Variants in ARHGAP39 observed in about 807,000 individuals in gnomAD.
ARHGAP39 encodes the protein Rho GTPase activating protein 39, also known as rho GTPase-activating protein 39.
Under a neutral mutation model 106.9 loss-of-function variants are expected in ARHGAP39, and 44 were observed. That is an observed-to-expected ratio of 0.41 (90% CI 0.32 to 0.53). The LOEUF (loss-of-function observed/expected upper bound fraction) is 0.53. Ranked by LOEUF, ARHGAP39 falls within the 20% of genes least tolerant of loss-of-function variation. The pLI, the probability that ARHGAP39 is intolerant of heterozygous loss-of-function variation, is 0.21. For synonymous variants in ARHGAP39, 768 were observed against 693.2 expected (o/e 1.11, Z -1.69); for missense variants, 1,496 against 1,577.3 (o/e 0.95, Z 0.87).
chr8:144,662,125 G>A (rs1056553516), intron 1 of ARHGAP39, among the ~76,000 whole-genome samples: 4 of 145,058 alleles, frequency 2.8e-5, no homozygotes, highest in Admixed American at 1.4e-4. Context: ...AACTTGGACC[G>A]CTCACCTTCC....
rs772935934 is a variant in ARHGAP39 at position 144,580,876 on chromosome 8, G to A, written c.482C>T (p.Ala161Val). The stretch of plus-strand genomic sequence containing the variant: ...GCTGTCCTCCTTCACTGTCCCAAAC[G>A]CCGCGGGCCGCCCGGCCCTCGCTGG... ...ELPARAGRPA[A>V]FGTVKEDSGS... Residue 161 changes from alanine to valine, a missense_variant, in exon 3 of 12, where the codon GCG becomes GTG. Physicochemically the swap from Ala to Val is moderately conservative, Grantham distance 64 (BLOSUM62 0). Around this residue, in one of 4 missense-constraint regions of ARHGAP39, gnomAD observed 905 missense variants for 816.4 expected, o/e 1.11. Transcript: ENST00000377307. 5.7e-6 allele frequency: 9 copies of A among 1,581,954 alleles called. No homozygotes were observed. The Admixed American group carries it at 1.4e-4, about 24-fold the overall frequency.
chr8:144,648,135 A>G (rs1379412686), intron 1 of ARHGAP39, among the ~76,000 whole-genome samples: 1 of 152,066 alleles, frequency 6.6e-6, no homozygotes. Context: ...ATGCTATAAC[A>G]TCCACAAGAT....
Position 144,548,556 on chromosome 8 carries a change from C to T in ARHGAP39, c.597-67G>A. On this transcript the variant is annotated intron_variant, in intron 4 of 11. Transcript: ENST00000377307. This position sits in a 1 kb window ranked among gnomAD's most constrained non-coding sequence, Gnocchi z 7.4. The stretch of plus-strand genomic sequence containing the variant: ...TGCTTCTGGGCACGCCCCACCCCCT[C>T]GGGGGCTGTAGGCAGCGGCTCCCGC... The T allele has an allele frequency of 1.3e-6, 2 of 1,544,534 alleles. No individual in the cohort carries two copies. Among genetic ancestry groups the T allele is most frequent in the Non-Finnish European group, 1.7e-6 (2 of 1,149,194 alleles).
At chr8:144,567,489 A>T (rs1250965009) in intron 3 of ARHGAP39, among the ~76,000 whole-genome samples, 1 of 152,080 alleles carries the variant, frequency 6.6e-6, no homozygotes, top group African/African-American at 2.4e-5. Flanking sequence ...CAGGAAAGGG[A>T]GTCTCCCTTT....
chr8:144,684,304 C>A lies in ARHGAP39; in HGVS notation c.-82+1382G>T, dbSNP rs1259546391. ...CCTCCTATCAAATCGCCTTTCCCTC[C>A]CCCGGCGCGAGAATCGCACCTTGCT... On this transcript the variant is annotated intron_variant, in intron 1 of 11. Coordinates refer to ENST00000377307, the MANE Select transcript of ARHGAP39 (RefSeq NM_025251.3). This position sits in a 1 kb window ranked among gnomAD's most constrained non-coding sequence, Gnocchi z 4.4. 6.6e-6 allele frequency among the ~76,000 whole-genome samples: 1 copy of A among 152,248 alleles called. No individual in the cohort carries two copies. The highest frequency in any genetic ancestry group is 1.5e-5 in the Non-Finnish European group (1 of 68,038).
rs941702269 is a variant in ARHGAP39 at position 144,646,696 on chromosome 8, C to T, written c.-82+38990G>A. 5.3e-5 allele frequency among the ~76,000 whole-genome samples: 8 copies of T among 152,320 alleles called. No individual in the cohort carries two copies. Among genetic ancestry groups the T allele is most frequent in the African/African-American group, 7.2e-5 (3 of 41,582 alleles). ...GAAAGCCTTGATTCTCAGAAAACAACGCCTCTCTGAGCCAAGGGCATGGGA... is the reference window on the plus strand; with the variant it reads ...GAAAGCCTTGATTCTCAGAAAACAATGCCTCTCTGAGCCAAGGGCATGGGA... On this transcript the variant is annotated intron_variant, in intron 1 of 11. Transcript: ENST00000377307. The surrounding 1 kb of genome is among the most constrained non-coding windows in gnomAD (Gnocchi z 5.7).
At chr8:144,609,592 C>T (rs1202736860) in intron 1 of ARHGAP39, among the ~76,000 whole-genome samples, 8 of 151,750 alleles carry the variant, frequency 5.3e-5, no homozygotes, top group African/African-American at 1.9e-4. Flanking sequence ...TTGGTAGAGA[C>T]GGGGTTTCAT....
rs115236584 is a variant in ARHGAP39 at position 144,598,191 on chromosome 8, T to A, written c.80+7344A>T. ...TCCGCATTGCGTGTAAAGGGGAAAT[T>A]CGGAACCCAGCCGTGGGCCTTTCCG... On this transcript the variant is annotated intron_variant, in intron 2 of 11. Transcript: ENST00000377307. Among the ~76,000 whole-genome samples, 545 of 151,976 alleles carry A rather than the reference T, an allele frequency of 3.6e-3. 3 individuals are homozygous for A. Among genetic ancestry groups the A allele is most frequent in the African/African-American group, 0.013 (526 of 41,424 alleles).
In ARHGAP39 at chr8:144,548,251, C is replaced by T; in HGVS notation, c.835G>A (p.Ala279Thr). Residue 279 changes from alanine to threonine, a missense_variant, in exon 5 of 12, where the codon GCC becomes ACC. Physicochemically the swap from Ala to Thr is moderately conservative, Grantham distance 58 (BLOSUM62 0). Around this residue, in one of 4 missense-constraint regions of ARHGAP39, gnomAD observed 905 missense variants for 816.4 expected, o/e 1.11. Coordinates refer to ENST00000377307, the MANE Select transcript of ARHGAP39 (RefSeq NM_025251.3). The surrounding 1 kb of genome is among the most constrained non-coding windows in gnomAD (Gnocchi z 7.4). ...GGGGAGCTGCTCCCTGGGAGCTCGG[C>T]CCTCTTCAGGAAGGGTGACGGCCTC... Reference protein sequence around the residue: ...ERRPSPFLKRAELPGSSSPLL... With the variant: ...ERRPSPFLKRTELPGSSSPLL... The T allele has an allele frequency of 1.2e-6, 2 of 1,608,476 alleles. No homozygotes were observed. The highest frequency in any genetic ancestry group is 1.7e-6 in the Non-Finnish European group (2 of 1,177,592).
chr8:144,589,036 C>T (rs1819289857), intron 2 of ARHGAP39, among the ~76,000 whole-genome samples: 1 of 152,144 alleles, frequency 6.6e-6, no homozygotes, highest in African/African-American at 2.4e-5. Context: ...CAGGTGCAAA[C>T]CCAAGCGTCT....
chr8:144,608,156 CAAAAA>C (rs60966946), intron 1 of ARHGAP39, among the ~76,000 whole-genome samples: 5 of 96,324 alleles, frequency 5.2e-5, no homozygotes, highest in African/African-American at 1.8e-4. Flanking sequence ...GACTCTGTCT[CAAAAA>C]AAAAAAAAAA....
At chr8:144,655,901 G>C (rs1821680920) in intron 1 of ARHGAP39, among the ~76,000 whole-genome samples, 1 of 152,082 alleles carries the variant, frequency 6.6e-6, no homozygotes, top group African/African-American at 2.4e-5. Flanking sequence ...CTACAAACCA[G>C]AAAGAGAAAA....
At chr8:144,669,175 T>C (rs1444295447) in intron 1 of ARHGAP39, among the ~76,000 whole-genome samples, 2 of 146,606 alleles carry the variant, frequency 1.4e-5, no homozygotes, top group African/African-American at 5.1e-5. Context: ...ATCAAACACC[T>C]AAATGTATAT....
chr8:144,693,358 C>CGGCCGCCT, the ARHGAP39 span, among the ~76,000 whole-genome samples: 2 of 150,224 alleles, frequency 1.3e-5, no homozygotes, highest in African/African-American at 4.9e-5. Flanking sequence ...CCACCGCGCC[C>CGGCCGCCT]GGCAGTAAAA....
At chr8:144,638,603 C>G (rs550504002) in intron 1 of ARHGAP39, among the ~76,000 whole-genome samples, 33 of 152,240 alleles carry the variant, frequency 2.2e-4, no homozygotes, top group Non-Finnish European at 4.8e-4. Context: ...CAAAGTTTCT[C>G]TCAACTGTAC....
chr8:144,537,507 G>T (rs1248280735), intron 7 of ARHGAP39, among the ~76,000 whole-genome samples: 3 of 152,152 alleles, frequency 2.0e-5, no homozygotes, highest in Non-Finnish European at 4.4e-5. Context: ...AATGGCTCTG[G>T]ACACCACAAA....
intron 4 of ARHGAP39, among the ~76,000 whole-genome samples, chr8:144,553,939 G>A (rs1265007013): frequency 6.6e-6 from 1 of 152,260 alleles, no homozygotes; most frequent in Admixed American, 6.5e-5. Flanking sequence ...GTGGGCTGTC[G>A]CCTCCCAGCC....
At chr8:144,631,109 G>A (rs1398315534) in intron 1 of ARHGAP39, among the ~76,000 whole-genome samples, 1 of 152,202 alleles carries the variant, frequency 6.6e-6, no homozygotes, top group Non-Finnish European at 1.5e-5. Context: ...TAAATGACCA[G>A]ATCCATCTCG....
the ARHGAP39 span, among the ~76,000 whole-genome samples, chr8:144,692,471 CT>C: frequency 6.6e-6 from 1 of 152,230 alleles, no homozygotes; most frequent in African/African-American, 2.4e-5. Context: ...CAAAGCAGGT[CT>C]CACAGTGAAG....
Sources: gnomAD v4.1 joint callset for allele counts (sites outside exome capture counted in the v4.1 genomes callset) on GRCh38, gnomAD v4.1.1 for gene constraint, gnomAD v4.1.1 regional missense constraint, Gnocchi (gnomAD v3.1) non-coding constraint, MANE v1.5 for transcripts, NCBI Gene and HGNC (gene_info 2026-07-23, HGNC 2026-07-21) for gene names.